The following PIEZO1 variants were observed in gnomAD, a reference collection of about 807,000 sequenced individuals.
The protein encoded by PIEZO1 is piezo-type mechanosensitive ion channel component 1.
In PIEZO1, 296 loss-of-function variants were observed where a neutral mutation model predicts 297.2. That is an observed-to-expected ratio of 1.00 (90% CI 0.91 to 1.10). The LOEUF is 1.10. PIEZO1 is among the 50% of genes least tolerant of loss of function. PIEZO1 has a pLI of 0.00. For missense variants in PIEZO1, 5,018 were observed against 3,455.5 expected (o/e 1.45, Z -11.34); for synonymous variants, 2,427 against 1,507.5 (o/e 1.61, Z -14.13).
At chr16:88,782,783 C>A (rs74891482) in intron 1 of PIEZO1, among the ~76,000 whole-genome samples, 2,101 of 152,346 alleles carry the variant, frequency 0.014, 36 homozygotes, top group African/African-American at 0.048. Context: ...CTGCACATCG[C>A]GGGTCCATCT....
rs1051648933 is a variant in PIEZO1, at chr16:88,725,702, T to G, written c.3969-18A>C. On this transcript the variant is annotated intron_variant, in intron 27 of 50. Coordinates refer to ENST00000301015, the MANE Select transcript of PIEZO1 (RefSeq NM_001142864.4). ...CGAAGCCCCTGTAGGGAGGCGGGGA[T>G]GGGGTGTGAGCACCAGGCACTCGAC... 2 of 1,371,464 alleles carry G rather than the reference T, an allele frequency of 1.5e-6. No individual in the cohort carries two copies. The highest frequency in any genetic ancestry group is 1.2e-5 in the South Asian group (1 of 80,764). The allele number at this position is 1,371,464 out of a possible 1,614,324, so 85.0% of individuals were successfully genotyped here. A position where few individuals can be genotyped will look rare whatever the true frequency, so the allele number is the denominator to read the frequency against.
chr16:88,766,119 G>A (rs942022757), intron 1 of PIEZO1, among the ~76,000 whole-genome samples: 2 of 152,220 alleles, frequency 1.3e-5, no homozygotes, highest in African/African-American at 4.8e-5. Context: ...TGATTCATGT[G>A]TCAGCGCTGC....
chr16:88,754,196 T>G (rs77626352), intron 1 of PIEZO1, among the ~76,000 whole-genome samples: 20,076 of 152,142 alleles, frequency 0.13, 1,628 homozygotes, highest in Middle Eastern at 0.19. Flanking sequence ...ATCCTACAGC[T>G]GAGAGGAGCA....
At chr16:88,757,520 G>T (rs1213770670) in intron 1 of PIEZO1, among the ~76,000 whole-genome samples, 1 of 117,588 alleles carries the variant, frequency 8.5e-6, no homozygotes, top group African/African-American at 3.4e-5. Flanking sequence ...CAAGACGGGG[G>T]AAAGAGCTTC....
At position 88,724,291 on chromosome 16, in the gene PIEZO1, G is replaced by C. The variant is rs145762948; in HGVS notation, c.4235-320C>G. The stretch of plus-strand genomic sequence containing the variant: ...GACGCCTGTAATCCCAGCACTGTGG[G>C]AGGCTGAGGCGGGCGGATCACCTGA... On this transcript the variant is annotated intron_variant, in intron 30 of 50. Coordinates refer to ENST00000301015, the MANE Select transcript of PIEZO1 (RefSeq NM_001142864.4). 5.3e-5 allele frequency among the ~76,000 whole-genome samples: 8 copies of C among 152,368 alleles called. No homozygotes were observed. The East Asian group carries it at 1.5e-3, about 29-fold the overall frequency.
At chr16:88,777,625 T>C (rs975232696) in intron 1 of PIEZO1, among the ~76,000 whole-genome samples, 3 of 152,230 alleles carry the variant, frequency 2.0e-5, no homozygotes, top group African/African-American at 7.2e-5. Context: ...CCCTTTCATG[T>C]TGCTTTAATG....
chr16:88,740,978 G>C (rs1306752556), intron 5 of PIEZO1: 1 of 153,372 alleles, frequency 6.5e-6, no homozygotes, highest in Non-Finnish European at 1.5e-5. Flanking sequence ...TCCAAGTCTT[G>C]TAGCAGCTAA....
Position 88,721,808 on chromosome 16 carries a change from C to T in PIEZO1, c.5214G>A (p.Glu1738=), listed in dbSNP as rs1324708354. The T allele has an allele frequency of 1.3e-6, 2 of 1,544,202 alleles. No individual in the cohort carries two copies. The highest frequency in any genetic ancestry group is 1.4e-5 in the African/African-American group (1 of 72,974). The change falls in exon 37 of 51, where the codon GAG becomes GAA. Residue 1738 remains glutamate (E), a splice_region_variant and synonymous_variant. Coordinates refer to ENST00000301015, the MANE Select transcript of PIEZO1 (RefSeq NM_001142864.4). ...CCCCTCCCCCGCGGCCTCGGCCCACCTCGGTGAAGACGATGGCCGTCATCC... is the reference window on the plus strand; with the variant it reads ...CCCCTCCCCCGCGGCCTCGGCCCACTTCGGTGAAGACGATGGCCGTCATCC... ...RFWMTAIVFT[E]IAVVVKYLFQ...
intron 23 of PIEZO1, 33 bp from the exon 24 acceptor site, chr16:88,727,225 C>CGGGGACCCACACGAGG (rs1904513493): frequency 1.5e-5 from 23 of 1,504,202 alleles, no homozygotes; most frequent in Non-Finnish European, 2.0e-5. Flanking sequence ...CTGTGCCACA[C>CGGGGACCCACACGAGG]GGGGACCCAC....
At chr16:88,732,919 G>T in intron 19 of PIEZO1, 187 bp from the exon 20 acceptor site, 1 of 625,990 alleles carries the variant, frequency 1.6e-6, no homozygotes, top group South Asian at 2.0e-5. Flanking sequence ...GGGAGACCAC[G>T]GGCAGGGGCT....
rs3214056 is a variant in PIEZO1 at position 88,734,618 on chromosome 16, G to A, written c.1997+32C>T. On this transcript the variant is annotated intron_variant, in intron 15 of 50. Transcript: ENST00000301015. Reference sequence around the variant, plus strand: ...CCGGGGAAGTGCACGGGGTTTCGGCGCCCCTGCCCCACCGCCCCAGCCTGG... The same window carrying A: ...CCGGGGAAGTGCACGGGGTTTCGGCACCCCTGCCCCACCGCCCCAGCCTGG... 284,019 of 1,549,198 alleles carry A rather than the reference G, an allele frequency of 0.18. 29,754 individuals carry two copies. The highest frequency in any genetic ancestry group is 0.47 in the East Asian group (19,298 of 40,868).
chr16:88,724,006 T>C (rs1237241917), intron 30 of PIEZO1, 35 bp from the exon 31 acceptor site: 6 of 1,306,524 alleles, frequency 4.6e-6, no homozygotes, highest in African/African-American at 2.9e-5. Context: ...CAGCCTTCCA[T>C]GCAGGGAGAC....
Position 88,722,562 on chromosome 16 carries a change from T to G in PIEZO1, c.4775+21A>C, listed in dbSNP as rs1212503142. On this transcript the variant is annotated intron_variant, in intron 35 of 50. Transcript: ENST00000301015. ...ACACACCAGGGGCAGCAGCTGGGGC[T>G]CGGGTCACCCCCGCACCTACCTGGA... The G allele has an allele frequency of 7.4e-6, 11 of 1,486,750 alleles. No homozygotes were observed. The Admixed American group carries it at 1.8e-4, about 25-fold the overall frequency. The allele number at this position is 1,486,750 out of a possible 1,614,324, so 92.1% of individuals were successfully genotyped here.
At chr16:88,730,362 G>GGAGGC (rs1555554646) in intron 22 of PIEZO1, among the ~76,000 whole-genome samples, 3 of 151,430 alleles carry the variant, frequency 2.0e-5, no homozygotes, top group Non-Finnish European at 4.4e-5. Flanking sequence ...CCTGTAATTT[G>GGAGGC]GGAGGCGGGT....
chr16:88,727,060 A>G lies in PIEZO1; in HGVS notation c.3434T>C (p.Val1145Ala), dbSNP rs550993341. 816 of 1,549,200 alleles carry G rather than the reference A, an allele frequency of 5.3e-4. 1 individual carries two copies. The highest frequency in any genetic ancestry group is 6.2e-4 in the Non-Finnish European group (706 of 1,146,074). The change falls in exon 24 of 51, where the codon GTG becomes GCG. Residue 1145 changes from valine to alanine, a missense_variant. By Grantham distance (64) the Val-to-Ala change is moderately conservative (BLOSUM62 0). Transcript: ENST00000301015. ...CCACCTGCAGTGGATAAAGTTGGGC[A>G]CGGGGTTGGGCTCCCCCCGCAGCGG... ...LEPLRGEPNP[V>A]PNFIHCRSYL...
At chr16:88,756,846 G>A (rs1175140814) in intron 1 of PIEZO1, among the ~76,000 whole-genome samples, 5 of 152,046 alleles carry the variant, frequency 3.3e-5, no homozygotes, top group Non-Finnish European at 7.4e-5. Flanking sequence ...GGAGGCCGAG[G>A]CGGGCAGATC....
At chr16:88,716,176 C>T in intron 49 of PIEZO1, 22 bp downstream of exon 49, 1 of 1,514,570 alleles carries the variant, frequency 6.6e-7, no homozygotes, top group Non-Finnish European at 8.9e-7. Flanking sequence ...TAGCCTCCCC[C>T]AACCCCCACG....
intron 23 of PIEZO1, 48 bp from the exon 24 acceptor site, chr16:88,727,240 G>A: frequency 2.0e-6 from 3 of 1,484,638 alleles, no homozygotes; most frequent in Non-Finnish European, 2.7e-6. Context: ...ACCCACACGA[G>A]GTGGGCACGG....
In PIEZO1 at chr16:88,784,929, C is replaced by T; in HGVS notation, c.36G>A (p.Trp12Ter). The T allele has an allele frequency of 7.0e-7, 1 of 1,435,216 alleles. No homozygotes were observed. The highest frequency in any genetic ancestry group is 9.2e-7 in the Non-Finnish European group (1 of 1,092,108). The allele number at this position is 1,435,216 out of a possible 1,614,324, so 88.9% of individuals were successfully genotyped here. ...EPHVLGAVLY[W>*]LLLPCALLAA... ...CCAGCAGCGCGCAGGGCAGCAGCAG[C>T]CAGTACAGGACCGCGCCGAGCACGT... The change falls in exon 1 of 51, where the codon TGG (tryptophan) becomes TGA (stop). Residue 12 changes from tryptophan (W) to a stop codon, truncating the protein, a stop_gained. Coordinates refer to ENST00000301015, the MANE Select transcript of PIEZO1 (RefSeq NM_001142864.4). LOFTEE classifies it high-confidence loss of function.
Sources: allele counts gnomAD v4.1 joint callset (sites outside exome capture counted in the v4.1 genomes callset), GRCh38; gene constraint gnomAD v4.1.1; transcripts MANE v1.5; gene names NCBI Gene and HGNC (gene_info 2026-07-23, HGNC 2026-07-21).